Variants in RFX6 observed in about 807,000 individuals in gnomAD.
The protein encoded by RFX6 is DNA-binding protein RFX6.
In RFX6, 50 loss-of-function variants were observed where a neutral mutation model predicts 110.8. That is an observed-to-expected ratio of 0.45 (90% CI 0.36 to 0.57). The LOEUF (loss-of-function observed/expected upper bound fraction) is 0.57, where lower values mean the gene tolerates loss of function less well. Among genes scored for constraint, RFX6 ranks in the 20% least tolerant of loss-of-function variants. The pLI, the probability that RFX6 is intolerant of heterozygous loss-of-function variation, is 0.00. For missense variants in RFX6, 990 were observed against 1,127.0 expected (o/e 0.88, Z 1.74); for synonymous variants, 383 against 411.2 (o/e 0.93, Z 0.83).
intron 12 of RFX6, 69 bp downstream of exon 12, chr6:116,920,523 A>G: frequency 7.4e-7 from 1 of 1,352,684 alleles, no homozygotes; most frequent in Middle Eastern, 1.8e-4. Context: ...GAGCTGGGTA[A>G]CTCTGTTGGA....
chr6:116,877,748 T>A, intron 1 of RFX6, 48 bp from the exon 2 acceptor site: 4 of 1,600,120 alleles, frequency 2.5e-6, no homozygotes, highest in Non-Finnish European at 3.4e-6. Flanking sequence ...GCGACTTAGT[T>A]GATTTTATAT....
At chr6:116,907,931 C>T (rs1775242264) in intron 6 of RFX6, among the ~76,000 whole-genome samples, 1 of 151,800 alleles carries the variant, frequency 6.6e-6, no homozygotes, top group South Asian at 2.1e-4. Flanking sequence ...CTGTACATAC[C>T]TGTTATTAGG....
At chr6:116,922,494 G>T (rs1217738211) in intron 13 of RFX6, among the ~76,000 whole-genome samples, 2 of 152,080 alleles carry the variant, frequency 1.3e-5, no homozygotes, top group Non-Finnish European at 2.9e-5. Context: ...TAAAAAGCAA[G>T]ATTTCATAAA....
intron 6 of RFX6, among the ~76,000 whole-genome samples, chr6:116,909,493 G>A (rs1230830291): frequency 2.6e-5 from 4 of 151,630 alleles, no homozygotes; most frequent in African/African-American, 9.7e-5. Context: ...GATAATTGGT[G>A]CTCATAAATG....
chr6:116,914,878 T>C (rs914726177), intron 7 of RFX6, among the ~76,000 whole-genome samples: 5 of 152,214 alleles, frequency 3.3e-5, no homozygotes, highest in African/African-American at 9.6e-5. Flanking sequence ...GCAACCCTAT[T>C]TTATAGCTAC....
chr6:116,931,709 G>GT lies in RFX6; in HGVS notation c.*204dup, dbSNP rs1467993131. 2 of 505,298 alleles carry GT rather than the reference G, an allele frequency of 4.0e-6. No individual in the cohort carries two copies. Among genetic ancestry groups the GT allele is most frequent in the African/African-American group, 3.8e-5 (2 of 52,170 alleles). The allele number at this position is 505,298 out of a possible 1,614,324, so 31.3% of individuals were successfully genotyped here. On this transcript the variant is annotated 3_prime_UTR_variant, in exon 19 of 19. Transcript: ENST00000332958. The stretch of plus-strand genomic sequence containing the variant: ...GTCATGCACACTAAGAGTTTAAAAT[G>GT]TGAGCTCATTATTAATCATAGTTTC...
At chr6:116,881,657 T>G (rs1774592300) in intron 3 of RFX6, among the ~76,000 whole-genome samples, 1 of 152,062 alleles carries the variant, frequency 6.6e-6, no homozygotes, top group Non-Finnish European at 1.5e-5. Context: ...TAAGACAACT[T>G]CTAATATCCA....
chr6:116,918,625 T>G (rs901897903), intron 10 of RFX6, among the ~76,000 whole-genome samples: 82 of 151,338 alleles, frequency 5.4e-4, no homozygotes, highest in African/African-American at 1.9e-3. Context: ...ACTTTTTCTC[T>G]GAAAACAAAA....
intron 4 of RFX6, among the ~76,000 whole-genome samples, chr6:116,891,110 T>C (rs1299816376): frequency 1.3e-5 from 2 of 152,196 alleles, no homozygotes; most frequent in Non-Finnish European, 2.9e-5. Flanking sequence ...GTAGTCACTT[T>C]TCCATGACAG....
intron 4 of RFX6, among the ~76,000 whole-genome samples, chr6:116,886,482 T>C (rs180846944): frequency 2.8e-4 from 42 of 152,312 alleles, no homozygotes; most frequent in African/African-American, 9.6e-4. Context: ...CTGGTCCCTA[T>C]ATAAAACCCA....
chr6:116,897,172 G>A (rs565786711), intron 6 of RFX6, among the ~76,000 whole-genome samples: 5 of 152,252 alleles, frequency 3.3e-5, no homozygotes, highest in African/African-American at 1.2e-4. Context: ...AGTGGAGTAG[G>A]GGAAGAGGGA....
intron 16 of RFX6, among the ~76,000 whole-genome samples, 160 bp downstream of exon 16, chr6:116,925,819 A>G (rs2114702554): frequency 6.6e-6 from 1 of 152,324 alleles, no homozygotes; most frequent in Non-Finnish European, 1.5e-5. Flanking sequence ...TGTGATTTTC[A>G]GCAATGGTAA....
chr6:116,909,176 G>C (rs2145173), intron 6 of RFX6, among the ~76,000 whole-genome samples: 51,945 of 151,598 alleles, frequency 0.34, 9,238 homozygotes, highest in African/African-American at 0.43. Flanking sequence ...TCCTAACTGC[G>C]ATTTAATATC....
At chr6:116,897,656 C>T (rs922421363) in intron 6 of RFX6, among the ~76,000 whole-genome samples, 9 of 152,024 alleles carry the variant, frequency 5.9e-5, no homozygotes, top group Non-Finnish European at 1.0e-4. Context: ...GAGTGTAAGG[C>T]AGGAAGCCAG....
intron 6 of RFX6, 110 bp downstream of exon 6, chr6:116,895,317 T>A: frequency 1.5e-6 from 1 of 663,756 alleles, no homozygotes; most frequent in South Asian, 1.9e-5. Context: ...TGTTATTTAT[T>A]AGGAATTCCT....
At chr6:116,903,763 C>T (rs537955025) in intron 6 of RFX6, among the ~76,000 whole-genome samples, 2 of 151,992 alleles carry the variant, frequency 1.3e-5, no homozygotes, top group Non-Finnish European at 2.9e-5. Flanking sequence ...TTCTTTAATG[C>T]TGATATATGA....
intron 6 of RFX6, among the ~76,000 whole-genome samples, chr6:116,906,159 C>T (rs985661422): frequency 6.6e-6 from 1 of 152,148 alleles, no homozygotes; most frequent in African/African-American, 2.4e-5. Context: ...TTTGGCACCC[C>T]TATCAAAAAT....
In RFX6 at chr6:116,927,743, C is replaced by CTTT. The variant is rs60638457; in HGVS notation, c.2398+221_2398+223dup. Among the ~76,000 whole-genome samples, 144 of 119,514 alleles carry CTTT rather than the reference C, an allele frequency of 1.2e-3. 2 individuals are homozygous for CTTT. The highest frequency in any genetic ancestry group is 8.5e-3 in the South Asian group (29 of 3,408). The allele number at this position is 119,514 out of a possible 152,430, so 78.4% of individuals were successfully genotyped here. On this transcript the variant is annotated intron_variant, in intron 17 of 18. Transcript: ENST00000332958. Reference sequence around the variant, plus strand: ...GGCTTTCCTAAAGTTGCCCTTCTTCCTTTTTTTTTTTTTTTTTTTGAGACA... The same window carrying CTTT: ...GGCTTTCCTAAAGTTGCCCTTCTTCCTTTTTTTTTTTTTTTTTTTTTTGAGACA...
Position 116,884,096 on chromosome 6 carries a change from TGTTTAA to T in RFX6, c.566+1674_566+1679del, listed in dbSNP as rs1344318622. On this transcript the variant is annotated intron_variant, in intron 4 of 18. Transcript: ENST00000332958. ...TGATTCACTCCAACTGCCAGTCTTC[TGTTTAA>T]GTTTATGCTGTCTTCCCCTGGAGAA... is the stretch of plus-strand genomic sequence containing the variant. 2.6e-5 allele frequency among the ~76,000 whole-genome samples: 4 copies of T among 152,312 alleles called. No individual in the cohort carries two copies. The South Asian group carries it at 8.3e-4, about 32-fold the overall frequency.
Sources: gnomAD v4.1 joint callset for allele counts (sites outside exome capture counted in the v4.1 genomes callset) on GRCh38, gnomAD v4.1.1 for gene constraint, MANE v1.5 for transcripts, NCBI Gene and HGNC (gene_info 2026-07-23, HGNC 2026-07-21) for gene names.